CACNA1A: variants seen among roughly 807,000 people sequenced by gnomAD.
CACNA1A encodes the protein voltage-dependent P/Q-type calcium channel subunit alpha-1A.
In CACNA1A, 57 loss-of-function variants were observed where a neutral mutation model predicts 262.4. That is an observed-to-expected ratio of 0.22 (90% CI 0.18 to 0.27). The LOEUF (loss-of-function observed/expected upper bound fraction) is 0.27. CACNA1A is among the 10% of genes least tolerant of loss of function. The probability of loss-of-function intolerance (pLI) is 1.00; values close to 1 mark genes in which losing one functional copy is unlikely to be tolerated. For synonymous variants in CACNA1A, 1,431 were observed against 1,419.3 expected, an observed-to-expected ratio of 1.01 and a Z score of -0.18; for missense variants, 2,526 against 3,562.8, an observed-to-expected ratio of 0.71 and a Z score of 7.41.
At position 13,319,407 on chromosome 19, in the gene CACNA1A, T is replaced by C. The variant is rs529303596; in HGVS notation, c.1346-2086A>G. 2.6e-5 allele frequency among the ~76,000 whole-genome samples: 4 copies of C among 152,320 alleles called. No individual in the cohort carries two copies. The South Asian group carries it at 8.3e-4, about 32-fold the overall frequency. On this transcript the variant is annotated intron_variant, in intron 10 of 46. Coordinates refer to ENST00000360228, the MANE Select transcript of CACNA1A (RefSeq NM_001127222.2). ...ATTCATTTGCTCATCCATTCATCCA[T>C]CCATTCGCTCATCCATTCATCCATC...
At position 13,300,507 on chromosome 19, in the gene CACNA1A, G is replaced by A. The variant is rs752462671; in HGVS notation, c.2279+43C>T. ...AATCTGTGCCTGGGATAGTGTGGAC[G>A]TTCAGGAGCCAGGGTAGCATCCCAG... is the stretch of plus-strand genomic sequence containing the variant. On this transcript the variant is annotated intron_variant, in intron 18 of 46. Coordinates refer to ENST00000360228, the MANE Select transcript of CACNA1A (RefSeq NM_001127222.2). 1.9e-5 allele frequency: 26 copies of A among 1,377,270 alleles called. No individual in the cohort carries two copies. In the East Asian group the frequency reaches 4.6e-4, roughly 24 times the overall value. The allele number at this position is 1,377,270 out of a possible 1,614,324, so 85.3% of individuals were successfully genotyped here.
At chr19:13,261,632 G>A (rs561023025) in intron 25 of CACNA1A, 22 bp from the exon 26 acceptor site, 1 of 1,602,048 alleles carries the variant, frequency 6.2e-7, no homozygotes, top group Non-Finnish European at 8.5e-7. Context: ...AGTTGACAGA[G>A]AGCATGAGGG....
intron 18 of CACNA1A, among the ~76,000 whole-genome samples, chr19:13,299,651 T>G (rs775926951): frequency 3.9e-5 from 6 of 152,146 alleles, no homozygotes; most frequent in Non-Finnish European, 8.8e-5. Flanking sequence ...TACTATTCGA[T>G]TCTAGTCACA....
At chr19:13,234,067 G>GA (rs2055771182) in intron 34 of CACNA1A, among the ~76,000 whole-genome samples, 1 of 51,694 alleles carries the variant, frequency 1.9e-5, no homozygotes, top group Non-Finnish European at 4.2e-5. Flanking sequence ...AAAAAAAAAA[G>GA]GGCTGGGCAC....
intron 37 of CACNA1A, 92 bp downstream of exon 37, chr19:13,227,339 C>A: frequency 3.6e-6 from 2 of 550,266 alleles, no homozygotes; most frequent in Non-Finnish European, 3.3e-6. Context: ...GAGAGTCGGC[C>A]GGGTGTTTCT....
rs528562876 is a variant in CACNA1A, at chr19:13,412,664, A to AC, written c.539+40211dup. 3.7e-3 allele frequency among the ~76,000 whole-genome samples: 568 copies of AC among 151,842 alleles called. 1 individual carries two copies. The highest frequency in any genetic ancestry group is 6.4e-3 in the Non-Finnish European group (437 of 67,918). On this transcript the variant is annotated intron_variant, in intron 3 of 46. Coordinates refer to ENST00000360228, the MANE Select transcript of CACNA1A (RefSeq NM_001127222.2). ...GACTAATTTCGTATTTTCAGTAGAG[A>AC]CGGGGTTTCACCATGTTGCCCAGGC...
rs766402500 is a variant in CACNA1A, at chr19:13,227,545, G to GA, written c.5529-19dup. 1.0e-5 allele frequency: 15 copies of GA among 1,482,362 alleles called. No individual in the cohort carries two copies. The highest frequency in any genetic ancestry group is 2.4e-5 in the East Asian group (1 of 42,048). 91.8% of individuals were successfully genotyped at this position (1,482,362 alleles called of 1,614,324 possible). The stretch of plus-strand genomic sequence containing the variant: ...TGCGGCCCCTGGCAGCACCGAAAAT[G>GA]AAAAAAACAAAAACAAAAACAAAAA... On this transcript the variant is annotated intron_variant, in intron 36 of 46. Transcript: ENST00000360228.
chr19:13,222,426 C>A (rs2055267780), intron 38 of CACNA1A, among the ~76,000 whole-genome samples: 3 of 131,074 alleles, frequency 2.3e-5, no homozygotes, highest in African/African-American at 8.7e-5. Context: ...GATGAAGTCT[C>A]ACTCTGTCAC....
At chr19:13,260,330 A>ATT (rs200703750) in intron 26 of CACNA1A, 1 of 69,900 alleles carries the variant, frequency 1.4e-5, no homozygotes, top group South Asian at 3.5e-4. Flanking sequence ...ATATATATAT[A>ATT]TATTTTTGTT....
intron 35 of CACNA1A, among the ~76,000 whole-genome samples, chr19:13,231,127 C>T (rs2055652489): frequency 6.6e-6 from 1 of 151,960 alleles, no homozygotes; most frequent in Admixed American, 6.6e-5. Flanking sequence ...CCTCAGCCTC[C>T]TGAGTAGCTG....
chr19:13,499,757 G>A lies in CACNA1A; in HGVS notation c.293+6175C>T, dbSNP rs375152815. ...CCTGGGCCAGTCTGACCCAGAGTCCGGAGTGTTTTCCCTCTCCTCTCTGCC... is the reference window on the plus strand; with the variant it reads ...CCTGGGCCAGTCTGACCCAGAGTCCAGAGTGTTTTCCCTCTCCTCTCTGCC... On this transcript the variant is annotated intron_variant, in intron 1 of 46. Transcript: ENST00000360228. Among the ~76,000 whole-genome samples, 5 of 152,092 alleles carry A rather than the reference G, an allele frequency of 3.3e-5. No individual in the cohort carries two copies. In the East Asian group the frequency reaches 5.8e-4, roughly 18 times the overall value.
In CACNA1A at chr19:13,235,903, C is replaced by T. The variant is rs948444350; in HGVS notation, c.4951-173G>A. On this transcript the variant is annotated intron_variant, in intron 31 of 46. Transcript: ENST00000360228. Reference sequence around the variant, plus strand: ...AATGCAATGATGCAGAGGAAAAACTCGAAAAAGGAATAATGTTGGGAGAGA... The same window carrying T: ...AATGCAATGATGCAGAGGAAAAACTTGAAAAAGGAATAATGTTGGGAGAGA... The T allele has an allele frequency of 1.8e-5, 10 of 553,446 alleles. 1 individual carries two copies. The highest frequency in any genetic ancestry group is 1.0e-4 in the South Asian group (4 of 39,460). 34.3% of individuals were successfully genotyped at this position (553,446 alleles called of 1,614,324 possible). A position where few individuals can be genotyped will look rare whatever the true frequency, so the allele number is the denominator to read the frequency against.
At chr19:13,367,902 A>G (rs1173562437) in intron 4 of CACNA1A, among the ~76,000 whole-genome samples, 1 of 152,160 alleles carries the variant, frequency 6.6e-6, no homozygotes, top group Non-Finnish European at 1.5e-5. Flanking sequence ...CAAATGGTTC[A>G]TTCATGGCGG....
intron 3 of CACNA1A, among the ~76,000 whole-genome samples, chr19:13,395,143 G>C (rs745944826): frequency 6.6e-6 from 1 of 151,170 alleles, no homozygotes; most frequent in Non-Finnish European, 1.5e-5. Flanking sequence ...GCATGGTGGC[G>C]CGCACCTCTA....
intron 44 of CACNA1A, among the ~76,000 whole-genome samples, chr19:13,209,798 C>T (rs2054736104): frequency 6.6e-6 from 1 of 152,198 alleles, no homozygotes; most frequent in Non-Finnish European, 1.5e-5. Context: ...CTCTCCAGTC[C>T]TGGGGGCCCA....
chr19:13,360,474 ATTTT>A (rs58721308), intron 5 of CACNA1A, among the ~76,000 whole-genome samples: 100 of 126,230 alleles, frequency 7.9e-4, no homozygotes, highest in African/African-American at 2.1e-3. Flanking sequence ...TGCCACTAGA[ATTTT>A]TTTTTTTTTT....
chr19:13,406,509 A>ATATATATATATATATATATG (rs1487889235), intron 3 of CACNA1A, among the ~76,000 whole-genome samples: 11 of 109,656 alleles, frequency 1.0e-4, no homozygotes, highest in South Asian at 3.3e-4. Flanking sequence ...ATATATATAT[A>ATATATATATATATATATATG]TATGAAGGGA....
chr19:13,219,854 G>A (rs2055156304), intron 38 of CACNA1A, among the ~76,000 whole-genome samples: 1 of 151,842 alleles, frequency 6.6e-6, no homozygotes, highest in African/African-American at 2.4e-5. Context: ...TTGGGAGGCT[G>A]AGGCAGAATC....
At chr19:13,402,534 G>A (rs2059913839) in intron 3 of CACNA1A, among the ~76,000 whole-genome samples, 1 of 148,988 alleles carries the variant, frequency 6.7e-6, no homozygotes, top group African/African-American at 2.5e-5. Context: ...ATAACTTATG[G>A]AAAAATAAAA....
Sources: allele counts gnomAD v4.1 joint callset (sites outside exome capture counted in the v4.1 genomes callset), GRCh38; gene constraint gnomAD v4.1.1; transcripts MANE v1.5; gene names NCBI Gene and HGNC (gene_info 2026-07-23, HGNC 2026-07-21).